The following CFAP46 variants were observed in gnomAD, a reference collection of about 807,000 sequenced individuals.
The protein encoded by CFAP46 is cilia- and flagella-associated protein 46.
In CFAP46, 245 loss-of-function variants were observed where a neutral mutation model predicts 325.7. The observed-to-expected ratio is 0.75, with a 90% CI of 0.68 to 0.84. The LOEUF is 0.84. Ranked by LOEUF, CFAP46 falls within the 40% of genes least tolerant of loss-of-function variation. CFAP46 has a pLI of 0.00. For missense variants in CFAP46, 3,346 were observed against 3,543.0 expected (o/e 0.94, Z 1.41); for synonymous variants, 1,523 against 1,495.9 (o/e 1.02, Z -0.42).
Position 132,912,647 on chromosome 10 carries a change from G to A in CFAP46, c.2499+8C>T, listed in dbSNP as rs1170346661. Reference sequence around the variant, plus strand: ...TCTCTCTCTCTCTCGGCATCATGGAGGTGGTACCTCCACCGCTGTTTTGAT... The same window carrying A: ...TCTCTCTCTCTCTCGGCATCATGGAAGTGGTACCTCCACCGCTGTTTTGAT... On this transcript the variant is annotated splice_region_variant and intron_variant, in intron 19 of 57. Transcript: ENST00000368586. 1.2e-5 allele frequency: 19 copies of A among 1,524,260 alleles called. No individual in the cohort carries two copies. The highest frequency in any genetic ancestry group is 1.6e-5 in the Non-Finnish European group (18 of 1,132,992). 94.4% of individuals were successfully genotyped at this position (1,524,260 alleles called of 1,614,324 possible).
In CFAP46 at chr10:132,847,315, C is replaced by T. The variant is rs777406324; in HGVS notation, c.5959G>A (p.Ala1987Thr). 8 of 1,613,344 alleles carry T rather than the reference C, an allele frequency of 5.0e-6. No individual in the cohort carries two copies. Among genetic ancestry groups the T allele is most frequent in the East Asian group, 4.5e-5 (2 of 44,858 alleles). The part of the protein sequence containing the change: ...CYWEAGPSVG[A>T]KLSGLKSLEL... Reference sequence around the variant, plus strand: ...AGAGACTTGAGGCCGCTCAGCTTGGCGCCCACCTGTGACACACATTGCAGG... The same window carrying T: ...AGAGACTTGAGGCCGCTCAGCTTGGTGCCCACCTGTGACACACATTGCAGG... Residue 1987 changes from alanine to threonine, a missense_variant, in exon 42 of 58, where the codon GCC becomes ACC. Transcript: ENST00000368586. This position sits in a 1 kb window ranked among gnomAD's most constrained non-coding sequence, Gnocchi z 5.2.
At chr10:132,855,445 C>A (rs1433114636) in intron 39 of CFAP46, among the ~76,000 whole-genome samples, 1 of 151,886 alleles carries the variant, frequency 6.6e-6, no homozygotes, top group Non-Finnish European at 1.5e-5. Flanking sequence ...TGTAGGTAGC[C>A]CATAGTTGGG....
Position 132,899,048 on chromosome 10 carries a change from G to A in CFAP46, c.3130C>T (p.Leu1044=). The change falls in exon 24 of 58, where the codon CTG becomes TTG. Residue 1044 remains leucine, a synonymous_variant. Coordinates refer to ENST00000368586, the MANE Select transcript of CFAP46 (RefSeq NM_001200049.3). ...TTCCTGTAGACGGCTGAGGACAGCA[G>A]TGGGAGCCAGGCGTTCCAGTAATGC... is the stretch of plus-strand genomic sequence containing the variant. The part of the protein sequence containing the change: ...ARHYWNAWLP[L]LSSAVYRKKA... 3.2e-6 allele frequency: 5 copies of A among 1,550,598 alleles called. No homozygotes were observed. Among genetic ancestry groups the A allele is most frequent in the Non-Finnish European group, 4.4e-6 (5 of 1,146,986 alleles).
chr10:132,882,041 G>A (rs1440988507), intron 27 of CFAP46, among the ~76,000 whole-genome samples: 8 of 150,538 alleles, frequency 5.3e-5, no homozygotes, highest in Admixed American at 5.3e-4. Context: ...GTGTGTGTGG[G>A]ATGTGGGGGG....
chr10:132,933,371 C>T (rs952036299), intron 8 of CFAP46, among the ~76,000 whole-genome samples: 1 of 152,226 alleles, frequency 6.6e-6, no homozygotes, highest in Admixed American at 6.5e-5. Flanking sequence ...GTGGACAGAC[C>T]TCGGAACAGG....
intron 39 of CFAP46, 145 bp from the exon 40 acceptor site, chr10:132,851,450 T>A: frequency 1.4e-6 from 1 of 740,690 alleles, no homozygotes; most frequent in Non-Finnish European, 2.2e-6. Flanking sequence ...CACACTTTGA[T>A]CACGAATACA....
rs7909621 is a variant in CFAP46, at chr10:132,869,888, C to T, written c.4512-516G>A. Among the ~76,000 whole-genome samples, 877 of 152,304 alleles carry T rather than the reference C, an allele frequency of 5.8e-3. 7 individuals carry two copies. Among genetic ancestry groups the T allele is most frequent in the African/African-American group, 0.019 (806 of 41,564 alleles). On this transcript the variant is annotated intron_variant, in intron 32 of 57. Coordinates refer to ENST00000368586, the MANE Select transcript of CFAP46 (RefSeq NM_001200049.3). This position sits in a 1 kb window ranked among gnomAD's most constrained non-coding sequence, Gnocchi z 6.2. Reference sequence around the variant, plus strand: ...AGGATGCAACTTGCAGCCTTTCTCCCGGATCCTTCAGGGCACAGGCGCCTC... The same window carrying T: ...AGGATGCAACTTGCAGCCTTTCTCCTGGATCCTTCAGGGCACAGGCGCCTC...
intron 50 of CFAP46, among the ~76,000 whole-genome samples, chr10:132,824,654 CTG>C (rs1429252992): frequency 1.1e-5 from 1 of 88,850 alleles, no homozygotes; most frequent in Non-Finnish European, 2.1e-5. Flanking sequence ...CTGATGTGTG[CTG>C]TGTGCTGACG....
At chr10:132,842,473 G>A (rs566463456) in intron 44 of CFAP46, among the ~76,000 whole-genome samples, 5 of 152,216 alleles carry the variant, frequency 3.3e-5, no homozygotes, top group African/African-American at 1.2e-4. Context: ...GCCCTCACCA[G>A]AATCACCCTC....
Position 132,919,533 on chromosome 10 carries a change from G to A in CFAP46, c.1731-91C>T, listed in dbSNP as rs1298031400. 12 of 1,450,028 alleles carry A rather than the reference G, an allele frequency of 8.3e-6. No homozygotes were observed. Among genetic ancestry groups the A allele is most frequent in the Non-Finnish European group, 1.0e-5 (11 of 1,092,714 alleles). The allele number at this position is 1,450,028 out of a possible 1,614,324, so 89.8% of individuals were successfully genotyped here. ...CACCTGGGCTGGCTGCCTGAGAAAA[G>A]GCCACTGTGGCTCTGCAGTTTCAAG... On this transcript the variant is annotated intron_variant, in intron 14 of 57. Coordinates refer to ENST00000368586, the MANE Select transcript of CFAP46 (RefSeq NM_001200049.3). The surrounding 1 kb of genome is among the most constrained non-coding windows in gnomAD (Gnocchi z 9.7).
Position 132,808,645 on chromosome 10 carries a change from C to CT in CFAP46, c.7923dup (p.Ala2642SerfsTer?), listed in dbSNP as rs749208640. The CT allele has an allele frequency of 3.7e-5, 59 of 1,601,966 alleles. No homozygotes were observed. The Admixed American group carries it at 9.9e-4, about 27-fold the overall frequency. ...TCCCTGGCTGAGGCTGCACCAAGGG[C>CT]TGGGGAGAGGCCCAGGAAGGGGAGA... On this transcript the variant is annotated frameshift_variant, in exon 58 of 58. Transcript: ENST00000368586. LOFTEE classifies it low-confidence loss of function (END_TRUNC). This position sits in a 1 kb window ranked among gnomAD's most constrained non-coding sequence, Gnocchi z 6.8.
intron 19 of CFAP46, 43 bp from the exon 20 acceptor site, chr10:132,910,111 CA>C (rs1434207197): frequency 1.5e-6 from 2 of 1,366,324 alleles, no homozygotes; most frequent in South Asian, 3.6e-5. Flanking sequence ...GAATTCTAAA[CA>C]GGGGACCTTG....
intron 50 of CFAP46, among the ~76,000 whole-genome samples, chr10:132,831,220 C>CTCTG (rs1554876170): frequency 6.8e-6 from 1 of 148,088 alleles, no homozygotes; most frequent in Admixed American, 6.7e-5. Flanking sequence ...GTCAAATGTT[C>CTCTG]TGTGTGTGTG....
At chr10:132,864,903 T>A (rs113736434) in intron 35 of CFAP46, among the ~76,000 whole-genome samples, 44 of 68,404 alleles carry the variant, frequency 6.4e-4, no homozygotes, top group African/African-American at 3.6e-3. Flanking sequence ...ACACCTGCCC[T>A]CAGTGCCTGA....
chr10:132,834,908 C>T (rs1458714883), intron 47 of CFAP46, 133 bp from the exon 48 acceptor site: 3 of 1,309,942 alleles, frequency 2.3e-6, no homozygotes, highest in Non-Finnish European at 3.0e-6. Flanking sequence ...GGGCACCTGG[C>T]TCGGCAACGA....
chr10:132,820,754 G>GCA (rs1281819006), intron 50 of CFAP46, among the ~76,000 whole-genome samples: 7 of 130,524 alleles, frequency 5.4e-5, no homozygotes, highest in African/African-American at 5.5e-5. Flanking sequence ...TGCTGTGTGT[G>GCA]CTGATGTGTG....
At position 132,859,122 on chromosome 10, in the gene CFAP46, CCA is replaced by C; in HGVS notation, c.5322_5323del (p.Cys1774TrpfsTer8). On this transcript the variant is annotated frameshift_variant, in exon 38 of 58. Transcript: ENST00000368586. LOFTEE classifies it high-confidence loss of function. ...TACGTCAACACAATTCTCTTTGCAGCCACAGTCGATAAACTTTCTCTCAATTT... is the reference window on the plus strand; with the variant it reads ...TACGTCAACACAATTCTCTTTGCAGCCAGTCGATAAACTTTCTCTCAATTT... 11 of 1,551,046 alleles carry C rather than the reference CCA, an allele frequency of 7.1e-6. No individual in the cohort carries two copies. Among genetic ancestry groups the C allele is most frequent in the Non-Finnish European group, 9.6e-6 (11 of 1,147,096 alleles).
rs1591069181 is a variant in CFAP46 at position 132,880,976 on chromosome 10, G to C, written c.3684C>G (p.Leu1228=). The change falls in exon 28 of 58, where the codon CTC becomes CTG. Residue 1228 remains leucine (L), a synonymous_variant. Coordinates refer to ENST00000368586, the MANE Select transcript of CFAP46 (RefSeq NM_001200049.3). ...CCTCGAGAGGAAAGTGTCTGTGATGGAGCCACTGGCCGAACTCCATGAGGT... is the reference window on the plus strand; with the variant it reads ...CCTCGAGAGGAAAGTGTCTGTGATGCAGCCACTGGCCGAACTCCATGAGGT... ...VEYLMEFGQW[L]HHRHFPLEDV... 5 of 1,550,524 alleles carry C rather than the reference G, an allele frequency of 3.2e-6. No homozygotes were observed. In the East Asian group the frequency reaches 1.2e-4, roughly 38 times the overall value.
intron 17 of CFAP46, among the ~76,000 whole-genome samples, chr10:132,914,151 T>C (rs1330016403): frequency 7.3e-5 from 1 of 13,642 alleles, no homozygotes. Context: ...CCAGCCACAC[T>C]GCACCCCGGC....
Sources: allele counts gnomAD v4.1 joint callset (sites outside exome capture counted in the v4.1 genomes callset), GRCh38; gene constraint gnomAD v4.1.1; non-coding constraint Gnocchi (gnomAD v3.1); transcripts MANE v1.5; gene names NCBI Gene and HGNC (gene_info 2026-07-23, HGNC 2026-07-21).